The following RBFOX1 variants were observed in gnomAD, a reference collection of about 807,000 sequenced individuals.
RBFOX1 encodes the protein RNA binding protein fox-1 homolog 1.
In RBFOX1, 8 loss-of-function variants were observed where a neutral mutation model predicts 57.7. The ratio of observed to expected loss-of-function variants is 0.14; its 90% CI spans 0.08 to 0.25. RBFOX1 has a LOEUF of 0.25. Ranked by LOEUF, RBFOX1 falls within the 10% of genes least tolerant of loss-of-function variation. The pLI is 1.00. For synonymous variants in RBFOX1, 326 were observed against 222.4 expected (o/e 1.47, Z -4.15); for missense variants, 611 against 548.5 (o/e 1.11, Z -1.14).
At chr16:5,240,176 T>C in intron 1 of RBFOX1, 1 of 781,328 alleles carries the variant, frequency 1.3e-6, no homozygotes, top group Non-Finnish European at 2.0e-6. Context: ...GGGTAGGGGC[T>C]GCGGGAGGCT....
chr16:6,044,775 C>T (rs755655285), intron 1 of RBFOX1, among the ~76,000 whole-genome samples: 24 of 152,200 alleles, frequency 1.6e-4, no homozygotes, highest in Non-Finnish European at 1.6e-4. Context: ...TGGCATGAGG[C>T]GTGAACTCTG....
At chr16:5,696,279 A>T (rs566016182) in intron 3 of RBFOX1, among the ~76,000 whole-genome samples, 10 of 152,334 alleles carry the variant, frequency 6.6e-5, no homozygotes, top group African/African-American at 2.4e-4. Flanking sequence ...TTTTCTAAAT[A>T]TTTATGAATC....
chr16:6,819,469 C>G (rs764371444), intron 3 of RBFOX1, among the ~76,000 whole-genome samples: 2 of 151,856 alleles, frequency 1.3e-5, no homozygotes, highest in African/African-American at 2.4e-5. Flanking sequence ...TTAGGGAGGC[C>G]CAGGCGGGCG....
intron 1 of RBFOX1, among the ~76,000 whole-genome samples, chr16:6,212,236 T>C (rs1544634): frequency 0.97 from 148,158 of 152,154 alleles, 72,227 homozygotes; most frequent in South Asian, 1. Context: ...TGTTAATTGG[T>C]GAAAAAAGTT....
intron 2 of RBFOX1, among the ~76,000 whole-genome samples, chr16:6,552,041 C>G (rs2097000135): frequency 6.6e-6 from 1 of 152,192 alleles, no homozygotes; most frequent in Non-Finnish European, 1.5e-5. Context: ...GGATGAATTT[C>G]CATGCCTCCC....
chr16:6,965,120 T>C (rs184555548), intron 3 of RBFOX1, among the ~76,000 whole-genome samples: 2 of 152,208 alleles, frequency 1.3e-5, no homozygotes, highest in African/African-American at 4.8e-5. Context: ...ATCTAGACTC[T>C]GCCTCCATGG....
At chr16:6,598,841 G>C (rs920580203) in intron 2 of RBFOX1, among the ~76,000 whole-genome samples, 2 of 152,142 alleles carry the variant, frequency 1.3e-5, no homozygotes, top group Non-Finnish European at 2.9e-5. Flanking sequence ...AGCTACTCGG[G>C]AGGCTGAGGC....
intron 1 of RBFOX1, among the ~76,000 whole-genome samples, chr16:6,086,331 C>T (rs967869313): frequency 2.6e-5 from 4 of 152,144 alleles, no homozygotes; most frequent in East Asian, 1.9e-4. Context: ...CACCCAGCCC[C>T]GTGCATTCCA....
chr16:7,018,110 T>C (rs1341047240), intron 3 of RBFOX1, among the ~76,000 whole-genome samples: 1 of 152,094 alleles, frequency 6.6e-6, no homozygotes, highest in East Asian at 1.9e-4. Context: ...CTGTGGAGCA[T>C]CTAGGTCTTA....
At chr16:6,519,470 TCA>T (rs2096458258) in intron 2 of RBFOX1, among the ~76,000 whole-genome samples, 1 of 151,946 alleles carries the variant, frequency 6.6e-6, no homozygotes, top group African/African-American at 2.4e-5. Context: ...GGAGGCCAAC[TCA>T]GGAAGATCAC....
chr16:6,912,193 C>A (rs988954036), intron 3 of RBFOX1, among the ~76,000 whole-genome samples: 1 of 152,238 alleles, frequency 6.6e-6, no homozygotes, highest in Non-Finnish European at 1.5e-5. Context: ...ACTTAAATTC[C>A]CACGTGGAGT....
At chr16:6,050,245 C>T (rs1054534509) in intron 1 of RBFOX1, among the ~76,000 whole-genome samples, 2 of 152,154 alleles carry the variant, frequency 1.3e-5, no homozygotes, top group Non-Finnish European at 2.9e-5. Flanking sequence ...CAGCTGTGAG[C>T]CACCGTACCC....
intron 4 of RBFOX1, among the ~76,000 whole-genome samples, chr16:7,136,463 G>C (rs1422783301): frequency 2.0e-5 from 3 of 146,926 alleles, no homozygotes; most frequent in Non-Finnish European, 1.5e-5. Context: ...CTGGAGGGCA[G>C]TGGTGCAATG....
intron 1 of RBFOX1, among the ~76,000 whole-genome samples, chr16:6,177,022 G>T (rs8046027): frequency 0.26 from 39,395 of 152,074 alleles, 5,885 homozygotes; most frequent in Middle Eastern, 0.4. Flanking sequence ...GTCAGCTCCT[G>T]TCTGCATCCA....
chr16:7,067,291 G>A (rs1408371420), intron 4 of RBFOX1, among the ~76,000 whole-genome samples: 1 of 117,708 alleles, frequency 8.5e-6, no homozygotes, highest in Non-Finnish European at 1.9e-5. Flanking sequence ...TTTTATTGTG[G>A]CCCTAACAAA....
chr16:6,968,917 T>C (rs550695420), intron 3 of RBFOX1, among the ~76,000 whole-genome samples: 23 of 152,146 alleles, frequency 1.5e-4, no homozygotes, highest in African/African-American at 5.5e-4. Flanking sequence ...ATAAGCTCAT[T>C]AGAGGAAAGT....
At chr16:6,212,666 C>G (rs2097306222) in intron 1 of RBFOX1, among the ~76,000 whole-genome samples, 1 of 152,060 alleles carries the variant, frequency 6.6e-6, no homozygotes, top group Admixed American at 6.6e-5. Context: ...GAGATCGTGC[C>G]ACTGCACTCC....
intron 3 of RBFOX1, among the ~76,000 whole-genome samples, chr16:7,032,256 C>G (rs904753744): frequency 6.6e-6 from 1 of 151,940 alleles, no homozygotes; most frequent in Non-Finnish European, 1.5e-5. Flanking sequence ...GAAACCCCAT[C>G]TCTACTAAAA....
rs565483463 is a variant in RBFOX1 at position 6,624,530 on chromosome 16, T to G, written c.-63-30073T>G. On this transcript the variant is annotated intron_variant, in intron 2 of 15. Transcript: ENST00000550418. ...AGTTTCCACCCACCTTTGTTTTGGT[T>G]AGAGTGATATTTTGTCCCTTGGCAG... is the stretch of plus-strand genomic sequence containing the variant. Among the ~76,000 whole-genome samples, 4 of 152,240 alleles carry G rather than the reference T, an allele frequency of 2.6e-5. No homozygotes were observed. The South Asian group carries it at 8.3e-4, about 32-fold the overall frequency.
Sources: allele counts gnomAD v4.1 joint callset (sites outside exome capture counted in the v4.1 genomes callset), GRCh38; gene constraint gnomAD v4.1.1; transcripts MANE v1.5; gene names NCBI Gene and HGNC (gene_info 2026-07-23, HGNC 2026-07-21).